Variants in HSPB8 observed in about 807,000 individuals in gnomAD.
HSPB8 encodes the protein heat shock protein family B (small) member 8.
A neutral mutation model predicts 16.5 loss-of-function variants in HSPB8; 9 were observed. The observed-to-expected ratio is 0.55, with a 90% CI of 0.33 to 0.95. HSPB8 has a LOEUF of 0.95. Ranked by LOEUF, HSPB8 falls within the 40% of genes least tolerant of loss-of-function variation. HSPB8 has a pLI of 0.03. For synonymous variants in HSPB8, 99 were observed against 94.8 expected (o/e 1.04, Z -0.26); for missense variants, 238 against 251.2 (o/e 0.95, Z 0.35).
chr12:119,190,227 G>T (rs1366615009), intron 2 of HSPB8, among the ~76,000 whole-genome samples: 1 of 152,164 alleles, frequency 6.6e-6, no homozygotes, highest in Non-Finnish European at 1.5e-5. Flanking sequence ...GGAGCTCCTG[G>T]CTCTGCCCAG....
intron 1 of HSPB8, among the ~76,000 whole-genome samples, chr12:119,185,395 G>A (rs187463315): frequency 2.0e-5 from 3 of 152,066 alleles, no homozygotes; most frequent in East Asian, 1.9e-4. Context: ...GCGCAGTGGC[G>A]CGATCTCGCC....
Position 119,179,235 on chromosome 12 carries a change from C to A in HSPB8, c.-78C>A. The A allele has an allele frequency of 6.8e-7, 1 of 1,478,992 alleles. No homozygotes were observed. The highest frequency in any genetic ancestry group is 9.4e-7 in the Non-Finnish European group (1 of 1,064,432). 91.6% of individuals were successfully genotyped at this position (1,478,992 alleles called of 1,614,324 possible). On this transcript the variant is annotated 5_prime_UTR_variant, in exon 1 of 3. Coordinates refer to ENST00000281938, the MANE Select transcript of HSPB8 (RefSeq NM_014365.3). ...GCTGAAGAATAAGCTAGCCCAGCCA[C>A]ACCACCTTGTTGTGTGACCTTGGGC... is the stretch of plus-strand genomic sequence containing the variant.
Position 119,179,471 on chromosome 12 carries a change from G to C in HSPB8, c.159G>C (p.Leu53=). The part of the protein sequence containing the change: ...DLTASWPDWA[L]PRLSSAWPGT... ...CAGCCTCTTGGCCCGACTGGGCTCT[G>C]CCTCGTCTCTCCTCCGCCTGGCCAG... The change falls in exon 1 of 3, where the codon CTG becomes CTC. Residue 53 remains leucine (L), a synonymous_variant. Transcript: ENST00000281938. 6.2e-7 allele frequency: 1 copy of C among 1,614,042 alleles called. No individual in the cohort carries two copies. Among genetic ancestry groups the C allele is most frequent in the Non-Finnish European group, 8.5e-7 (1 of 1,180,016 alleles).
chr12:119,182,615 G>T (rs1032748811), intron 1 of HSPB8, among the ~76,000 whole-genome samples: 1 of 151,962 alleles, frequency 6.6e-6, no homozygotes, highest in Non-Finnish European at 1.5e-5. Context: ...TCCAGCCTGG[G>T]CAACAAGAAA....
At chr12:119,183,142 AACAGGTCTTC>A (rs2136082039) in intron 1 of HSPB8, 1 of 152,358 alleles carries the variant, frequency 6.6e-6, no homozygotes, top group African/African-American at 2.4e-5. Context: ...CAAAATTATA[AACAGGTCTTC>A]TCACTGCAGG....
chr12:119,185,548 G>T (rs567074823), intron 1 of HSPB8, among the ~76,000 whole-genome samples: 1 of 152,090 alleles, frequency 6.6e-6, no homozygotes, highest in African/African-American at 2.4e-5. Flanking sequence ...TGGCCAGGAA[G>T]GTCTCGATCT....
intron 2 of HSPB8, among the ~76,000 whole-genome samples, chr12:119,191,121 A>T (rs986549056): frequency 6.6e-6 from 1 of 152,202 alleles, no homozygotes. Context: ...TGCTGTCAAG[A>T]TGCCAACATG....
At chr12:119,187,161 G>T in intron 2 of HSPB8, 73 bp downstream of exon 2, 1 of 1,231,334 alleles carries the variant, frequency 8.1e-7, no homozygotes, top group South Asian at 1.2e-5. Context: ...ATGATCTGGG[G>T]TCTCTCCCTC....
intron 1 of HSPB8, among the ~76,000 whole-genome samples, chr12:119,181,348 G>A (rs1044442532): frequency 3.3e-5 from 5 of 152,184 alleles, no homozygotes; most frequent in Non-Finnish European, 2.9e-5. Context: ...TAGAAATGCA[G>A]GACAACTTGA....
At chr12:119,189,581 A>G (rs1223463576) in intron 2 of HSPB8, among the ~76,000 whole-genome samples, 5 of 152,148 alleles carry the variant, frequency 3.3e-5, no homozygotes, top group Admixed American at 3.3e-4. Flanking sequence ...CATAAGAAGC[A>G]TGCAACCTAG....
At position 119,179,561 on chromosome 12, in the gene HSPB8, C is replaced by T. The variant is rs1173959362; in HGVS notation, c.249C>T (p.Ala83=). The T allele has an allele frequency of 1.2e-6, 2 of 1,613,180 alleles. No homozygotes were observed. Among genetic ancestry groups the T allele is most frequent in the East Asian group, 2.2e-5 (1 of 44,870 alleles). ...PTATARFGVP[A]EGRTPPPFPG... Reference sequence around the variant, plus strand: ...CCACCGCCAGGTTTGGGGTGCCTGCCGAGGGCAGGACCCCCCCACCCTTCC... The same window carrying T: ...CCACCGCCAGGTTTGGGGTGCCTGCTGAGGGCAGGACCCCCCCACCCTTCC... Residue 83 remains alanine, a synonymous_variant, in exon 1 of 3, where the codon GCC becomes GCT. Transcript: ENST00000281938.
intron 2 of HSPB8, among the ~76,000 whole-genome samples, chr12:119,189,073 G>A (rs1285285613): frequency 1.3e-5 from 2 of 152,114 alleles, no homozygotes; most frequent in Non-Finnish European, 2.9e-5. Context: ...TAAGGCAAAC[G>A]CCAAACCATT....
Position 119,179,510 on chromosome 12 carries a change from G to A in HSPB8, c.198G>A (p.Ser66=), listed in dbSNP as rs1041884451. Residue 66 remains serine (S), a synonymous_variant, in exon 1 of 3, where the codon TCG becomes TCA. Transcript: ENST00000281938. ...LSSAWPGTLR[S]GMVPRGPTAT... ...CCGCCTGGCCAGGCACCCTAAGGTCGGGCATGGTGCCCCGGGGCCCCACTG... is the reference window on the plus strand; with the variant it reads ...CCGCCTGGCCAGGCACCCTAAGGTCAGGCATGGTGCCCCGGGGCCCCACTG... 1.1e-5 allele frequency: 18 copies of A among 1,613,852 alleles called. No homozygotes were observed. The highest frequency in any genetic ancestry group is 7.7e-5 in the South Asian group (7 of 91,086).
At chr12:119,182,437 G>C (rs949678351) in intron 1 of HSPB8, among the ~76,000 whole-genome samples, 7 of 152,106 alleles carry the variant, frequency 4.6e-5, no homozygotes, top group African/African-American at 7.2e-5. Flanking sequence ...TCAGGAGTCT[G>C]AGACCAGTCT....
intron 2 of HSPB8, among the ~76,000 whole-genome samples, chr12:119,187,783 C>T (rs1198419926): frequency 6.6e-6 from 1 of 152,222 alleles, no homozygotes; most frequent in Non-Finnish European, 1.5e-5. Context: ...GAAAGACCAT[C>T]CCCTGATTCC....
At chr12:119,182,650 A>T (rs982385859) in intron 1 of HSPB8, among the ~76,000 whole-genome samples, 33 of 152,268 alleles carry the variant, frequency 2.2e-4, no homozygotes, top group South Asian at 2.1e-4. Flanking sequence ...AAAAAAATAA[A>T]AAATAAAAAT....
intron 1 of HSPB8, among the ~76,000 whole-genome samples, chr12:119,181,456 A>G (rs953950925): frequency 4.6e-5 from 7 of 152,202 alleles, no homozygotes; most frequent in African/African-American, 1.7e-4. Flanking sequence ...CAAACAGATA[A>G]TGCATCTATG....
intron 1 of HSPB8, among the ~76,000 whole-genome samples, chr12:119,185,394 C>T (rs1360912793): frequency 6.6e-6 from 1 of 151,992 alleles, no homozygotes; most frequent in Non-Finnish European, 1.5e-5. Flanking sequence ...AGCGCAGTGG[C>T]GCGATCTCGC....
In HSPB8 at chr12:119,179,678, TG is replaced by T; in HGVS notation, c.367+1del. ...CCAAAGATGGATACGTGGAGGTGTCTGGTAAGTCAGGGGCAGGAGGGAGAGA... is the reference window on the plus strand; with the variant it reads ...CCAAAGATGGATACGTGGAGGTGTCTGTAAGTCAGGGGCAGGAGGGAGAGA... The part of the protein sequence containing the change: ...KTKDGYVEVS[G>X]KHEEKQQEGG... On this transcript the variant is annotated frameshift_variant and splice_region_variant, in exon 1 of 3. Coordinates refer to ENST00000281938, the MANE Select transcript of HSPB8 (RefSeq NM_014365.3). LOFTEE classifies it high-confidence loss of function. The T allele has an allele frequency of 6.3e-7, 1 of 1,575,716 alleles. No homozygotes were observed. The highest frequency in any genetic ancestry group is 1.2e-5 in the South Asian group (1 of 83,270).
Sources: allele counts gnomAD v4.1 joint callset (sites outside exome capture counted in the v4.1 genomes callset), GRCh38; gene constraint gnomAD v4.1.1; transcripts MANE v1.5; gene names NCBI Gene and HGNC (gene_info 2026-07-23, HGNC 2026-07-21).